ATP8B4: variants seen among roughly 807,000 people sequenced by gnomAD.
ATP8B4 encodes the protein probable phospholipid-transporting ATPase IM.
In ATP8B4, 133 loss-of-function variants were observed where a neutral mutation model predicts 145.6. That is an observed-to-expected ratio of 0.91 (90% confidence interval 0.79 to 1.05). The LOEUF (loss-of-function observed/expected upper bound fraction) is 1.05, where lower values mean the gene tolerates loss of function less well. Among genes scored for constraint, ATP8B4 ranks in the 50% least tolerant of loss-of-function variants. ATP8B4 has a pLI of 0.00. For synonymous variants in ATP8B4, 507 were observed against 492.9 expected (o/e 1.03, Z -0.38); for missense variants, 1,458 against 1,425.2 (o/e 1.02, Z -0.37).
At chr15:50,063,549 A>C (rs929982580) in intron 3 of ATP8B4, among the ~76,000 whole-genome samples, 1 of 152,158 alleles carries the variant, frequency 6.6e-6, no homozygotes, top group Non-Finnish European at 1.5e-5. Flanking sequence ...AGATATGGAG[A>C]TAAATGTGAC....
chr15:50,088,893 G>A (rs1035355858), intron 2 of ATP8B4, among the ~76,000 whole-genome samples: 6 of 152,174 alleles, frequency 3.9e-5, no homozygotes, highest in African/African-American at 7.2e-5. Flanking sequence ...TGAATGAATG[G>A]TTTCTCAAAG....
At chr15:49,978,739 TACACACAC>T (rs60436585) in intron 12 of ATP8B4, among the ~76,000 whole-genome samples, 1,386 of 122,824 alleles carry the variant, frequency 0.011, 13 homozygotes, top group South Asian at 0.028. Context: ...CTTTATCAAA[TACACACAC>T]ACACACACAC....
In ATP8B4 at chr15:49,898,105, G is replaced by T; in HGVS notation, c.2436C>A (p.Ala812=). The T allele has an allele frequency of 6.2e-7, 1 of 1,613,790 alleles. No individual in the cohort carries two copies. Among genetic ancestry groups the T allele is most frequent in the Non-Finnish European group, 8.5e-7 (1 of 1,179,832 alleles). The change falls in exon 22 of 28, where the codon GCC becomes GCA. Residue 812 remains alanine, a synonymous_variant. Transcript: ENST00000284509. The part of the protein sequence containing the change: ...VKKYRNAVTL[A]IGDGANDVSM... ...TGACATCATTGGCTCCATCACCAAT[G>T]GCCAAAGTAACAGCATTTCTGTACT...
At chr15:49,904,375 A>G (rs2038379120) in intron 20 of ATP8B4, among the ~76,000 whole-genome samples, 1 of 152,322 alleles carries the variant, frequency 6.6e-6, no homozygotes, top group Admixed American at 6.5e-5. Flanking sequence ...GAGTTCATGA[A>G]ATGGGACCAG....
chr15:50,171,243 A>G (rs946005989), intron 1 of ATP8B4, among the ~76,000 whole-genome samples: 1 of 152,196 alleles, frequency 6.6e-6, no homozygotes, highest in African/African-American at 2.4e-5. Flanking sequence ...TCCAACAACC[A>G]CAGAATATAC....
intron 26 of ATP8B4, among the ~76,000 whole-genome samples, chr15:49,863,777 T>C (rs1410312078): frequency 6.6e-6 from 1 of 152,144 alleles, no homozygotes. Flanking sequence ...AAGCTTCACT[T>C]TGAAACCACA....
At chr15:50,158,401 C>T (rs887714788) in intron 1 of ATP8B4, among the ~76,000 whole-genome samples, 3 of 148,882 alleles carry the variant, frequency 2.0e-5, no homozygotes, top group African/African-American at 5.1e-5. Context: ...GGGGGTCAGC[C>T]CCCGCCCGGC....
At chr15:49,905,891 G>C (rs1206890919) in intron 20 of ATP8B4, among the ~76,000 whole-genome samples, 2 of 152,064 alleles carry the variant, frequency 1.3e-5, no homozygotes, top group Non-Finnish European at 2.9e-5. Flanking sequence ...TCCAGATCTT[G>C]ATAGGCAAGG....
chr15:50,065,796 A>G (rs911166495), intron 3 of ATP8B4, among the ~76,000 whole-genome samples: 4 of 152,116 alleles, frequency 2.6e-5, no homozygotes, highest in Non-Finnish European at 5.9e-5. Flanking sequence ...TAAAAATAAA[A>G]ATAAATAAAT....
intron 1 of ATP8B4, among the ~76,000 whole-genome samples, chr15:50,115,423 G>A (rs1468344027): frequency 6.6e-6 from 1 of 152,012 alleles, no homozygotes; most frequent in Admixed American, 6.6e-5. Flanking sequence ...GGAGGCAGAG[G>A]AAAGGCAGTC....
intron 3 of ATP8B4, among the ~76,000 whole-genome samples, chr15:50,072,644 T>C (rs7162172): frequency 0.39 from 59,035 of 151,306 alleles, 11,693 homozygotes; most frequent in African/African-American, 0.43. Flanking sequence ...CCTTTCGAGA[T>C]GGAGTCTCCC....
intron 25 of ATP8B4, among the ~76,000 whole-genome samples, chr15:49,870,513 AG>A (rs1254343412): frequency 6.6e-6 from 1 of 152,238 alleles, no homozygotes; most frequent in African/African-American, 2.4e-5. Flanking sequence ...TAGCATCAGC[AG>A]GACATAAGAT....
chr15:50,050,830 A>C (rs557746251), intron 3 of ATP8B4, among the ~76,000 whole-genome samples: 35 of 152,226 alleles, frequency 2.3e-4, no homozygotes, highest in African/African-American at 7.7e-4. Context: ...CCTATCCACA[A>C]AGATAACATG....
chr15:50,034,299 C>T (rs967517647), intron 6 of ATP8B4, among the ~76,000 whole-genome samples: 26 of 148,032 alleles, frequency 1.8e-4, no homozygotes, highest in African/African-American at 5.0e-4. Flanking sequence ...GGCATGATCT[C>T]GGCCCACTGC....
At chr15:49,942,507 A>T (rs148062827) in intron 14 of ATP8B4, among the ~76,000 whole-genome samples, 78 of 152,264 alleles carry the variant, frequency 5.1e-4, no homozygotes, top group African/African-American at 1.8e-3. Context: ...AACTAAAGTG[A>T]AATTGGAGAG....
At chr15:49,981,975 TAAAC>T (rs1263880755) in intron 10 of ATP8B4, among the ~76,000 whole-genome samples, 1 of 152,184 alleles carries the variant, frequency 6.6e-6, no homozygotes, top group Non-Finnish European at 1.5e-5. Context: ...TATTAGATGA[TAAAC>T]AAATAAGAAT....
intron 1 of ATP8B4, among the ~76,000 whole-genome samples, chr15:50,158,542 T>C (rs1257357931): frequency 6.8e-6 from 1 of 146,502 alleles, no homozygotes; most frequent in African/African-American, 2.6e-5. Flanking sequence ...CGCCTCTGCC[T>C]GGCCGCCCCT....
upstream of ATP8B4, among the ~76,000 whole-genome samples, chr15:50,120,122 A>C (rs2057252115): frequency 6.6e-6 from 1 of 152,132 alleles, no homozygotes; most frequent in African/African-American, 2.4e-5. Flanking sequence ...CCAGTTAAGT[A>C]CTGAAATCAA....
intron 17 of ATP8B4, among the ~76,000 whole-genome samples, chr15:49,920,846 A>C (rs1238916201): frequency 6.6e-6 from 1 of 152,234 alleles, no homozygotes. Flanking sequence ...TAGAGAAGCC[A>C]TAGTCCTCAA....
Sources: allele counts gnomAD v4.1 joint callset (sites outside exome capture counted in the v4.1 genomes callset), GRCh38; gene constraint gnomAD v4.1.1; transcripts MANE v1.5; gene names NCBI Gene and HGNC (gene_info 2026-07-23, HGNC 2026-07-21).